The following USH2A variants were observed in gnomAD, a reference collection of about 807,000 sequenced individuals.
USH2A encodes the protein Usher syndrome 2A (autosomal recessive, mild).
Under a neutral mutation model 538.9 loss-of-function variants are expected in USH2A, and 443 were observed. That is an observed-to-expected ratio of 0.82 (90% CI 0.76 to 0.89). USH2A has a LOEUF of 0.89. USH2A is among the 40% of genes least tolerant of loss of function. The pLI is 0.00. For missense variants in USH2A, 6,633 were observed against 6,324.8 expected, an observed-to-expected ratio of 1.05 and a Z score of -1.65; for synonymous variants, 2,413 against 2,273.5, an observed-to-expected ratio of 1.06 and a Z score of -1.75.
chr1:216,061,058 T>G (rs1436299091), intron 30 of USH2A, among the ~76,000 whole-genome samples: 2 of 152,186 alleles, frequency 1.3e-5, no homozygotes, highest in East Asian at 3.9e-4. Flanking sequence ...AACTCCTTGC[T>G]CTGAACCTTG....
chr1:215,630,108 T>C (rs889184271), intron 70 of USH2A: 5 of 517,270 alleles, frequency 9.7e-6, no homozygotes, highest in Non-Finnish European at 1.9e-5. Flanking sequence ...ATGGAAGTCA[T>C]CAATGATCTG....
At chr1:216,210,879 G>T (rs1170483602) in intron 15 of USH2A, among the ~76,000 whole-genome samples, 1 of 152,028 alleles carries the variant, frequency 6.6e-6, no homozygotes, top group Admixed American at 6.5e-5. Context: ...TACTCGGCAG[G>T]CTCAGGCGGA....
At chr1:216,358,069 T>C (rs1041079529) in intron 4 of USH2A, among the ~76,000 whole-genome samples, 1 of 152,146 alleles carries the variant, frequency 6.6e-6, no homozygotes, top group Admixed American at 6.6e-5. Flanking sequence ...ATGCATTTGG[T>C]CCATTGATTA....
intron 32 of USH2A, among the ~76,000 whole-genome samples, chr1:216,025,391 A>C (rs1444701046): frequency 6.6e-6 from 1 of 151,888 alleles, no homozygotes; most frequent in Non-Finnish European, 1.5e-5. Context: ...TAATTTTACA[A>C]TATTTTTATT....
intron 27 of USH2A, among the ~76,000 whole-genome samples, chr1:216,076,732 AAAGT>A (rs1157510158): frequency 6.6e-6 from 1 of 152,144 alleles, no homozygotes; most frequent in African/African-American, 2.4e-5. Flanking sequence ...TACCCTTCTA[AAAGT>A]CTCCTAAGAG....
At chr1:215,750,166 C>T (rs1317819012) in intron 58 of USH2A, among the ~76,000 whole-genome samples, 3 of 152,100 alleles carry the variant, frequency 2.0e-5, no homozygotes, top group Non-Finnish European at 4.4e-5. Context: ...TAACATGGTG[C>T]TTTTAACAAA....
intron 43 of USH2A, among the ~76,000 whole-genome samples, chr1:215,873,772 CAT>C (rs1257584516): frequency 1.6e-4 from 22 of 136,200 alleles, no homozygotes; most frequent in Non-Finnish European, 3.2e-4. Flanking sequence ...CGAGGAATCA[CAT>C]AGAGGTCTCC....
chr1:215,862,606 C>G (rs1017054510), intron 44 of USH2A, among the ~76,000 whole-genome samples: 2 of 152,130 alleles, frequency 1.3e-5, no homozygotes, highest in East Asian at 1.9e-4. Flanking sequence ...CTTGCAAAAT[C>G]AACTTCCAAG....
intron 21 of USH2A, among the ~76,000 whole-genome samples, chr1:216,134,998 T>C (rs2033452124): frequency 6.6e-6 from 1 of 152,070 alleles, no homozygotes; most frequent in Non-Finnish European, 1.5e-5. Flanking sequence ...CAGATCATAA[T>C]CTAGCCATCA....
At chr1:216,100,291 G>T (rs1408591125) in intron 21 of USH2A, among the ~76,000 whole-genome samples, 1 of 152,150 alleles carries the variant, frequency 6.6e-6, no homozygotes, top group Non-Finnish European at 1.5e-5. Flanking sequence ...AAATCTGATA[G>T]AGAAAGAAAT....
intron 3 of USH2A, among the ~76,000 whole-genome samples, chr1:216,368,232 C>A (rs911736699): frequency 1.3e-5 from 2 of 149,678 alleles, no homozygotes; most frequent in African/African-American, 4.9e-5. Context: ...AAGTAGAATT[C>A]TTGACACTAT....
In USH2A at chr1:215,938,131, G is replaced by C. The variant is rs142015736; in HGVS notation, c.7121-3336C>G. On this transcript the variant is annotated intron_variant, in intron 37 of 71. Transcript: ENST00000307340. Reference sequence around the variant, plus strand: ...TATAATTACTCAATAATTATGAGAAGTATGCAATTACATAACCATTTTGCT... The same window carrying C: ...TATAATTACTCAATAATTATGAGAACTATGCAATTACATAACCATTTTGCT... Among the ~76,000 whole-genome samples the C allele has an allele frequency of 1.2e-3, 185 of 152,134 alleles. 2 individuals carry two copies. The highest frequency in any genetic ancestry group is 4.4e-3 in the African/African-American group (182 of 41,518).
At chr1:215,847,209 A>G (rs543582971) in intron 44 of USH2A, among the ~76,000 whole-genome samples, 1 of 152,182 alleles carries the variant, frequency 6.6e-6, no homozygotes, top group East Asian at 1.9e-4. Context: ...AAACAGCCAT[A>G]TTTTCTTAGG....
intron 35 of USH2A, among the ~76,000 whole-genome samples, chr1:215,985,881 A>G (rs1667861506): frequency 6.6e-6 from 1 of 152,130 alleles, no homozygotes; most frequent in Non-Finnish European, 1.5e-5. Context: ...ATAACGTTCT[A>G]TTGTCTTCAA....
At chr1:215,882,535 A>T in intron 41 of USH2A, among the ~76,000 whole-genome samples, 1 of 152,214 alleles carries the variant, frequency 6.6e-6, no homozygotes, top group East Asian at 1.9e-4. Flanking sequence ...GAGTACAAAT[A>T]TATAAATACA....
chr1:215,807,813 A>G lies in USH2A; in HGVS notation c.9739+5923T>C, dbSNP rs930908581. Among the ~76,000 whole-genome samples the G allele has an allele frequency of 2.6e-5, 4 of 152,230 alleles. No individual in the cohort carries two copies. In the East Asian group the frequency reaches 7.7e-4, roughly 29 times the overall value. On this transcript the variant is annotated intron_variant, in intron 49 of 71. Transcript: ENST00000307340. ...CTGAGTCCTTGCTCTGGAAAGATTC[A>G]TTAGAAACTTTGTCATTTAAAGGAG... is the stretch of plus-strand genomic sequence containing the variant.
rs555959297 is a variant in USH2A at position 216,370,339 on chromosome 1, C to T, written c.652-5254G>A. Among the ~76,000 whole-genome samples, 8 of 135,030 alleles carry T rather than the reference C, an allele frequency of 5.9e-5. No homozygotes were observed. The East Asian group carries it at 9.2e-4, about 16-fold the overall frequency. The allele number at this position is 135,030 out of a possible 152,430, so 88.6% of individuals were successfully genotyped here. ...TCACGCCACTGCACTCCAGCCTGGG[C>T]GACAGAGTGAGACTCTATCCAAAAA... On this transcript the variant is annotated intron_variant, in intron 3 of 71. Coordinates refer to ENST00000307340, the MANE Select transcript of USH2A (RefSeq NM_206933.4).
At chr1:216,116,824 A>G (rs2033020143) in intron 21 of USH2A, among the ~76,000 whole-genome samples, 1 of 151,576 alleles carries the variant, frequency 6.6e-6, no homozygotes, top group South Asian at 2.1e-4. Flanking sequence ...TAACATTATG[A>G]CAGAAGGAAA....
At chr1:215,967,919 T>G (rs907017036) in intron 36 of USH2A, among the ~76,000 whole-genome samples, 1 of 152,134 alleles carries the variant, frequency 6.6e-6, no homozygotes, top group Admixed American at 6.6e-5. Flanking sequence ...GGAGAATCGA[T>G]CCAATGAATG....
Sources: gnomAD v4.1 joint callset for allele counts (sites outside exome capture counted in the v4.1 genomes callset) on GRCh38, gnomAD v4.1.1 for gene constraint, MANE v1.5 for transcripts, NCBI Gene and HGNC (gene_info 2026-07-23, HGNC 2026-07-21) for gene names.